Variants in CELF1 observed in about 807,000 individuals in gnomAD.
CELF1 encodes the protein 50 kDa nuclear polyadenylated RNA-binding protein.
In CELF1, 10 loss-of-function variants were observed where a neutral mutation model predicts 61.8. The ratio of observed to expected loss-of-function variants is 0.16; its 90% CI spans 0.10 to 0.27. The LOEUF is 0.27. Among genes scored for constraint, CELF1 ranks in the 10% least tolerant of loss-of-function variants. The pLI is 1.00. For missense variants in CELF1, 380 were observed against 639.1 expected (o/e 0.59, Z 4.37); for synonymous variants, 236 against 225.1 (o/e 1.05, Z -0.43).
chr11:47,495,875 A>T, intron 3 of CELF1: 1 of 470,554 alleles, frequency 2.1e-6, no homozygotes, highest in Non-Finnish European at 2.8e-6. Flanking sequence ...TTATTTTTTC[A>T]CTCCCCCTTT....
chr11:47,492,823 C>T lies in CELF1; in HGVS notation c.72-3799G>A, dbSNP rs539519380. Among the ~76,000 whole-genome samples the T allele has an allele frequency of 1.2e-4, 18 of 152,318 alleles. 1 individual carries two copies. The East Asian group carries it at 2.9e-3, about 24-fold the overall frequency. The stretch of plus-strand genomic sequence containing the variant: ...AATTACCAGTTGTAATAGCATTTTA[C>T]TAGAATGTTGCTAATCTTTCATTCT... On this transcript the variant is annotated intron_variant, in intron 3 of 14. Transcript: ENST00000687097.
intron 1 of CELF1, chr11:47,506,990 T>G (rs1469460673): frequency 6.6e-6 from 1 of 152,220 alleles, no homozygotes; most frequent in African/African-American, 2.4e-5. Flanking sequence ...AAAGCCCCTC[T>G]GTCACCATGG....
At chr11:47,556,963 C>T (rs1049323027), upstream of CELF1, among the ~76,000 whole-genome samples, 1 of 151,680 alleles carries the variant, frequency 6.6e-6, no homozygotes, top group African/African-American at 2.4e-5. Context: ...ACAGTGGCAC[C>T]ATCTTGGCTC....
intron 1 of CELF1, among the ~76,000 whole-genome samples, chr11:47,528,942 C>T (rs1052015562): frequency 6.6e-6 from 1 of 152,022 alleles, no homozygotes; most frequent in African/African-American, 2.4e-5. Flanking sequence ...TATCTGTCTC[C>T]CAGGCTAGAG....
intron 1 of CELF1, among the ~76,000 whole-genome samples, chr11:47,521,634 A>G (rs561209034): frequency 2.6e-5 from 4 of 152,350 alleles, no homozygotes; most frequent in African/African-American, 9.6e-5. Flanking sequence ...CATGTAAAGC[A>G]TTTAGAATAG....
intron 1 of CELF1, among the ~76,000 whole-genome samples, chr11:47,525,920 C>T (rs922404593): frequency 8.5e-6 from 1 of 117,722 alleles, no homozygotes; most frequent in African/African-American, 3.1e-5. Context: ...TCTCTATCCA[C>T]AAACAAACAA....
At chr11:47,539,454 C>T (rs1043967293) in intron 1 of CELF1, among the ~76,000 whole-genome samples, 36 of 152,084 alleles carry the variant, frequency 2.4e-4, no homozygotes, top group African/African-American at 8.5e-4. Flanking sequence ...GAGTTCGAGA[C>T]CAGTCACGGC....
intron 12 of CELF1, among the ~76,000 whole-genome samples, chr11:47,476,087 G>A (rs948481454): frequency 6.6e-5 from 10 of 150,450 alleles, no homozygotes; most frequent in African/African-American, 2.4e-4. Flanking sequence ...GCAGCCTCAA[G>A]CTCCCAGGCT....
Position 47,536,338 on chromosome 11 carries a change from C to T in CELF1, c.-154+16654G>A, listed in dbSNP as rs537629903. On this transcript the variant is annotated intron_variant, in intron 1 of 14. Coordinates refer to ENST00000687097, the MANE Select transcript of CELF1 (RefSeq NM_001376376.1). ...CCAACATTGCACCACTGTACTCCATCGTGGGCGACAAGGCGAGATTGTCAT... is the reference window on the plus strand; with the variant it reads ...CCAACATTGCACCACTGTACTCCATTGTGGGCGACAAGGCGAGATTGTCAT... Among the ~76,000 whole-genome samples the T allele has an allele frequency of 5.3e-5, 8 of 152,280 alleles. 1 individual carries two copies. The South Asian group carries it at 1.7e-3, about 32-fold the overall frequency.
At chr11:47,527,881 A>G (rs2153680421) in intron 1 of CELF1, among the ~76,000 whole-genome samples, 1 of 152,118 alleles carries the variant, frequency 6.6e-6, no homozygotes, top group East Asian at 1.9e-4. Flanking sequence ...GGATCACCTG[A>G]GGTGAGGAGT....
upstream of CELF1, among the ~76,000 whole-genome samples, chr11:47,555,062 G>A (rs1037989829): frequency 4.6e-5 from 7 of 152,156 alleles, no homozygotes; most frequent in Admixed American, 3.3e-4. Context: ...GGTTTTGTCT[G>A]TTTTATTTCA....
chr11:47,476,639 A>G (rs561608847), intron 12 of CELF1, among the ~76,000 whole-genome samples: 17 of 152,096 alleles, frequency 1.1e-4, no homozygotes, highest in South Asian at 6.2e-4. Context: ...TGTTAGCCAG[A>G]ATGGTCTCGA....
intron 3 of CELF1, among the ~76,000 whole-genome samples, chr11:47,492,528 G>A (rs923676298): frequency 9.9e-5 from 15 of 152,212 alleles, no homozygotes; most frequent in East Asian, 3.9e-4. Flanking sequence ...TCAGGAGTTC[G>A]AGACCACCCT....
chr11:47,542,496 ATTTTT>A (rs112443041), intron 1 of CELF1, among the ~76,000 whole-genome samples: 1 of 121,808 alleles, frequency 8.2e-6, no homozygotes, highest in Non-Finnish European at 1.8e-5. Context: ...TACTTTCTCC[ATTTTT>A]TTTTTTTTTT....
chr11:47,481,674 G>A (rs2083340911), intron 9 of CELF1, among the ~76,000 whole-genome samples: 1 of 152,082 alleles, frequency 6.6e-6, no homozygotes, highest in African/African-American at 2.4e-5. Flanking sequence ...ACTCACAAAT[G>A]GGTGGTTTTA....
At chr11:47,482,172 GC>G (rs1279449523) in intron 9 of CELF1, among the ~76,000 whole-genome samples, 1 of 151,996 alleles carries the variant, frequency 6.6e-6, no homozygotes, top group Non-Finnish European at 1.5e-5. Context: ...CTGCACTCTA[GC>G]CTGGGTGACA....
Position 47,499,588 on chromosome 11 carries a change from C to T in CELF1, c.-65G>A, listed in dbSNP as rs2093639561. The T allele has an allele frequency of 1.5e-6, 2 of 1,326,864 alleles. No individual in the cohort carries two copies. Among genetic ancestry groups the T allele is most frequent in the Admixed American group, 2.0e-5 (1 of 50,228 alleles). 82.2% of individuals were successfully genotyped at this position (1,326,864 alleles called of 1,614,324 possible). A position where few individuals can be genotyped will look rare whatever the true frequency, so the allele number is the denominator to read the frequency against. ...GCTGCACTTGTCTGATCCACAAATA[C>T]ACACAGCTTTAGCTTCCTGGGCCCC... On this transcript the variant is annotated 5_prime_UTR_variant, in exon 3 of 15. Transcript: ENST00000687097.
At position 47,507,947 on chromosome 11, in the gene CELF1, C is replaced by T. The variant is rs559460684; in HGVS notation, c.-153-7015G>A. On this transcript the variant is annotated intron_variant, in intron 1 of 14. Transcript: ENST00000687097. ...ACTTCCTAAAAGCATTTACTTGCAC[C>T]TGCCTCTACCATCAAAAGTTACCAA... Among the ~76,000 whole-genome samples the T allele has an allele frequency of 7.0e-4, 107 of 151,986 alleles. 1 individual carries two copies. Among genetic ancestry groups the T allele is most frequent in the Non-Finnish European group, 1.0e-3 (71 of 67,952 alleles).
chr11:47,521,436 C>T (rs2095879052), intron 1 of CELF1, among the ~76,000 whole-genome samples: 1 of 152,002 alleles, frequency 6.6e-6, no homozygotes, highest in South Asian at 2.1e-4. Context: ...TACTACAAAC[C>T]CACAATGTAC....
Sources: allele counts gnomAD v4.1 joint callset (sites outside exome capture counted in the v4.1 genomes callset), GRCh38; gene constraint gnomAD v4.1.1; transcripts MANE v1.5; gene names NCBI Gene and HGNC (gene_info 2026-07-23, HGNC 2026-07-21).